NRXN1: variants seen among roughly 807,000 people sequenced by gnomAD.
The protein encoded by NRXN1 is neurexin 1, also known as neurexin-1.
Under a neutral mutation model 150.9 loss-of-function variants are expected in NRXN1, and 39 were observed. That is an observed-to-expected ratio of 0.26 (90% CI 0.20 to 0.34). NRXN1 has a LOEUF of 0.34. Among genes scored for constraint, NRXN1 ranks in the 10% least tolerant of loss-of-function variants. The pLI is 1.00. For synonymous variants in NRXN1, 924 were observed against 757.0 expected, an observed-to-expected ratio of 1.22 and a Z score of -3.62; for missense variants, 1,815 against 1,949.9, an observed-to-expected ratio of 0.93 and a Z score of 1.30.
At chr2:50,816,864 C>T (rs1319513210) in intron 5 of NRXN1, among the ~76,000 whole-genome samples, 2 of 152,054 alleles carry the variant, frequency 1.3e-5, no homozygotes, top group African/African-American at 4.8e-5. Flanking sequence ...GATATTAAAA[C>T]ATAGACTAAC....
chr2:50,197,546 T>A (rs17507317), intron 18 of NRXN1, among the ~76,000 whole-genome samples: 1 of 152,110 alleles, frequency 6.6e-6, no homozygotes, highest in African/African-American at 2.4e-5. Flanking sequence ...TACACTATTA[T>A]ATTTTGTGAT....
chr2:50,171,074 AATC>A (rs2060002039), intron 18 of NRXN1, among the ~76,000 whole-genome samples: 1 of 152,166 alleles, frequency 6.6e-6, no homozygotes, highest in African/African-American at 2.4e-5. Flanking sequence ...GGTGGAAATT[AATC>A]ATCATAACAG....
chr2:50,314,233 T>C (rs1187323463), intron 17 of NRXN1, among the ~76,000 whole-genome samples: 1 of 152,072 alleles, frequency 6.6e-6, no homozygotes, highest in Non-Finnish European at 1.5e-5. Context: ...GCAGACATCT[T>C]TCCTGCTTCA....
intron 17 of NRXN1, among the ~76,000 whole-genome samples, chr2:50,317,683 T>G (rs919905793): frequency 6.6e-6 from 1 of 151,950 alleles, no homozygotes; most frequent in Non-Finnish European, 1.5e-5. Flanking sequence ...AGAAGAAAAG[T>G]AAAACCATGG....
chr2:50,859,434 T>C (rs1025637268), intron 5 of NRXN1, among the ~76,000 whole-genome samples: 8 of 151,976 alleles, frequency 5.3e-5, no homozygotes, highest in Non-Finnish European at 1.0e-4. Flanking sequence ...GGGTTATTTC[T>C]AGGAGAAGTA....
intron 13 of NRXN1, among the ~76,000 whole-genome samples, chr2:50,505,473 T>C (rs762818335): frequency 5.3e-5 from 8 of 152,144 alleles, no homozygotes; most frequent in Non-Finnish European, 1.0e-4. Context: ...CATGTGACCT[T>C]AGATACTAAC....
chr2:50,334,192 A>ATTTTATACATATATAT (rs1553457970), intron 17 of NRXN1, among the ~76,000 whole-genome samples: 4 of 118,982 alleles, frequency 3.4e-5, no homozygotes, highest in African/African-American at 1.3e-4. Flanking sequence ...ACCAGGACCA[A>ATTTTATACATATATAT]ATATATATAT....
intron 5 of NRXN1, among the ~76,000 whole-genome samples, chr2:50,722,033 C>G (rs1018106127): frequency 6.6e-6 from 1 of 152,012 alleles, no homozygotes; most frequent in Admixed American, 6.6e-5. Context: ...TGCAGGAGGT[C>G]TCTAGGCTCC....
intron 5 of NRXN1, among the ~76,000 whole-genome samples, chr2:50,894,261 T>TAAAC (rs1230400525): frequency 6.9e-6 from 1 of 145,752 alleles, no homozygotes; most frequent in Non-Finnish European, 1.5e-5. Context: ...AATAAATAAA[T>TAAAC]AAATAAATAA....
chr2:50,337,184 C>G (rs2077247064), intron 17 of NRXN1, among the ~76,000 whole-genome samples: 2 of 150,190 alleles, frequency 1.3e-5, no homozygotes, highest in Non-Finnish European at 2.9e-5. Context: ...CTCCCAGGTT[C>G]AAGCGATTCT....
chr2:50,994,524 T>C (rs1698995791), intron 2 of NRXN1, among the ~76,000 whole-genome samples: 2 of 151,986 alleles, frequency 1.3e-5, no homozygotes, highest in Admixed American at 1.3e-4. Context: ...ATGCCAAGGA[T>C]CTAGGTTTAT....
intron 15 of NRXN1, among the ~76,000 whole-genome samples, chr2:50,488,936 T>C (rs902585710): frequency 1.3e-5 from 2 of 152,198 alleles, no homozygotes; most frequent in East Asian, 3.9e-4. Context: ...TGGATGACGA[T>C]GAGGTCTTGT....
rs772631880 is a variant in NRXN1 at position 50,497,616 on chromosome 2, T to C, written c.2596A>G (p.Ile866Val). The C allele has an allele frequency of 4.3e-6, 7 of 1,613,738 alleles. No homozygotes were observed. The Admixed American group carries it at 1.0e-4, about 23-fold the overall frequency. Residue 866 changes from isoleucine to valine, a missense_variant, in exon 14 of 23, where the codon ATT becomes GTT. Transcript: ENST00000401669. The stretch of plus-strand genomic sequence containing the variant: ...AATGTCAAGCTCTGCAGGTGTCCAA[T>C]GAAGTTGGAGGGGACAGAAGAAAGA... ...RYLSSVPSNF[I>V]GHLQSLTFNG...
chr2:50,418,860 C>T (rs563799980), intron 17 of NRXN1, among the ~76,000 whole-genome samples: 10 of 151,972 alleles, frequency 6.6e-5, no homozygotes, highest in Admixed American at 1.3e-4. Context: ...CTGAGTATGT[C>T]TATTAACATG....
At chr2:49,990,645 A>G (rs2152519905) in intron 21 of NRXN1, among the ~76,000 whole-genome samples, 1 of 152,238 alleles carries the variant, frequency 6.6e-6, no homozygotes, top group East Asian at 1.9e-4. Flanking sequence ...CTGATAACAT[A>G]TCAGTAAGTA....
At chr2:50,888,630 C>T (rs989362420) in intron 5 of NRXN1, among the ~76,000 whole-genome samples, 2 of 151,666 alleles carry the variant, frequency 1.3e-5, no homozygotes, top group Admixed American at 6.6e-5. Context: ...AACTGTAATC[C>T]ACCATTAGCT....
At chr2:49,984,747 A>ACACACC (rs779349002) in intron 21 of NRXN1, among the ~76,000 whole-genome samples, 1 of 151,596 alleles carries the variant, frequency 6.6e-6, no homozygotes, top group Non-Finnish European at 1.5e-5. Context: ...ACACACACAC[A>ACACACC]CGATAGTATA....
chr2:50,368,246 A>G (rs1417222812), intron 17 of NRXN1, among the ~76,000 whole-genome samples: 1 of 151,980 alleles, frequency 6.6e-6, no homozygotes, highest in Non-Finnish European at 1.5e-5. Flanking sequence ...AGCTCATGAA[A>G]CACATTTTCA....
At chr2:50,584,134 G>GA (rs1672715914) in intron 8 of NRXN1, among the ~76,000 whole-genome samples, 1 of 152,168 alleles carries the variant, frequency 6.6e-6, no homozygotes, top group African/African-American at 2.4e-5. Flanking sequence ...TTTTGAAGGA[G>GA]AGTGAAGAGG....
Sources: gnomAD v4.1 joint callset for allele counts (sites outside exome capture counted in the v4.1 genomes callset) on GRCh38, gnomAD v4.1.1 for gene constraint, MANE v1.5 for transcripts, NCBI Gene and HGNC (gene_info 2026-07-23, HGNC 2026-07-21) for gene names.